TMEM108: variants seen among roughly 807,000 people sequenced by gnomAD.
The protein encoded by TMEM108 is cancer/testis antigen 124.
Under a neutral mutation model 35.1 loss-of-function variants are expected in TMEM108, and 12 were observed. That is an observed-to-expected ratio of 0.34 (90% confidence interval 0.22 to 0.55). The LOEUF is 0.55. TMEM108 is among the 20% of genes least tolerant of loss of function. TMEM108 has a pLI of 0.89. For missense variants in TMEM108, 680 were observed against 753.3 expected (o/e 0.90, Z 1.14); for synonymous variants, 287 against 308.6 (o/e 0.93, Z 0.73).
chr3:133,235,600 G>A (rs1386275495), intron 3 of TMEM108, among the ~76,000 whole-genome samples: 1 of 152,120 alleles, frequency 6.6e-6, no homozygotes, highest in Non-Finnish European at 1.5e-5. Context: ...ACTACCTGAG[G>A]TGGTATTGAA....
intron 2 of TMEM108, among the ~76,000 whole-genome samples, chr3:133,082,632 A>G (rs1481590193): frequency 6.6e-5 from 10 of 151,936 alleles, no homozygotes; most frequent in Non-Finnish European, 4.4e-5. Flanking sequence ...GCCAAGCGCT[A>G]TTTTAACCTT....
chr3:133,058,545 G>T (rs1943500023), intron 2 of TMEM108, among the ~76,000 whole-genome samples: 1 of 152,170 alleles, frequency 6.6e-6, no homozygotes, highest in Admixed American at 6.5e-5. Flanking sequence ...AAGCCCTTTG[G>T]CTACTCCCGT....
chr3:133,363,082 C>G (rs1465125991), intron 3 of TMEM108, among the ~76,000 whole-genome samples: 1 of 152,146 alleles, frequency 6.6e-6, no homozygotes, highest in Non-Finnish European at 1.5e-5. Flanking sequence ...ATGCGTGGAC[C>G]ATTTCTGTGT....
intron 2 of TMEM108, among the ~76,000 whole-genome samples, chr3:133,209,797 A>C (rs1945810554): frequency 6.6e-6 from 1 of 152,146 alleles, no homozygotes; most frequent in African/African-American, 2.4e-5. Context: ...AGAATGAATG[A>C]TTTAGAGATG....
intron 2 of TMEM108, among the ~76,000 whole-genome samples, chr3:133,067,914 A>G (rs975110760): frequency 1.1e-4 from 17 of 152,068 alleles, no homozygotes; most frequent in Non-Finnish European, 2.1e-4. Context: ...TAGAAAAAAA[A>G]AAGAAACTGG....
At position 133,043,537 on chromosome 3, in the gene TMEM108, G is replaced by A. The variant is rs533890759; in HGVS notation, c.-165-2365G>A. Among the ~76,000 whole-genome samples the A allele has an allele frequency of 5.9e-5, 9 of 152,034 alleles. No individual in the cohort carries two copies. The East Asian group carries it at 1.5e-3, about 26-fold the overall frequency. On this transcript the variant is annotated intron_variant, in intron 1 of 5. Coordinates refer to ENST00000321871, the MANE Select transcript of TMEM108 (RefSeq NM_023943.4). ...CCATTTATCATTCCTTCCTCAATAA[G>A]TACTCTTTCCTAATTTTACCAAAAC...
intron 5 of TMEM108, among the ~76,000 whole-genome samples, chr3:133,395,206 C>G (rs1482596300): frequency 6.6e-6 from 1 of 152,222 alleles, no homozygotes; most frequent in Admixed American, 6.5e-5. Context: ...TTTCATCTGT[C>G]ACTTATTATG....
At chr3:133,112,959 C>A (rs757368771) in intron 2 of TMEM108, among the ~76,000 whole-genome samples, 6 of 151,920 alleles carry the variant, frequency 3.9e-5, no homozygotes, top group Non-Finnish European at 8.8e-5. Flanking sequence ...CAAAAAGAAA[C>A]CTAATAAAAA....
At chr3:133,188,164 C>G (rs1429278304) in intron 2 of TMEM108, among the ~76,000 whole-genome samples, 1 of 152,134 alleles carries the variant, frequency 6.6e-6, no homozygotes, top group Non-Finnish European at 1.5e-5. Flanking sequence ...AACCAATAAG[C>G]CAAGCAGCTC....
intron 2 of TMEM108, among the ~76,000 whole-genome samples, chr3:133,120,448 C>A (rs1277544477): frequency 3.3e-5 from 5 of 152,192 alleles, no homozygotes; most frequent in Non-Finnish European, 7.3e-5. Context: ...GATTGATACA[C>A]TCTACAGTCT....
At position 133,395,967 on chromosome 3, in the gene TMEM108, A is replaced by C; in HGVS notation, c.1709A>C (p.Asp570Ala). The C allele has an allele frequency of 6.2e-7, 1 of 1,601,078 alleles. No individual in the cohort carries two copies. The highest frequency in any genetic ancestry group is 8.5e-7 in the Non-Finnish European group (1 of 1,174,186). Reference sequence around the variant, plus strand: ...CAAGAAACACTGTTTGTGGGAAACGATCAAGTATCTGAGATCTAACTACAG... The same window carrying C: ...CAAGAAACACTGTTTGTGGGAAACGCTCAAGTATCTGAGATCTAACTACAG... ...FCQETLFVGN[D>A]QVSEI is the part of the protein sequence containing the mutation. Residue 570 changes from aspartate (D) to alanine (A), a missense_variant, in exon 6 of 6, where the codon GAT (aspartate) becomes GCT (alanine). By Grantham distance (126) the Asp-to-Ala change is moderately radical (BLOSUM62 -2). Transcript: ENST00000321871.
intron 3 of TMEM108, among the ~76,000 whole-genome samples, chr3:133,338,833 T>C (rs1559911657): frequency 6.6e-6 from 1 of 152,042 alleles, no homozygotes; most frequent in Non-Finnish European, 1.5e-5. Context: ...AGGCATACAA[T>C]TTTTAATAGT....
At chr3:133,191,571 G>A (rs912883041) in intron 2 of TMEM108, among the ~76,000 whole-genome samples, 2 of 152,140 alleles carry the variant, frequency 1.3e-5, no homozygotes, top group Non-Finnish European at 2.9e-5. Context: ...TGAGACCCAC[G>A]CAGATGATAT....
chr3:133,136,845 T>C (rs1365579613), intron 2 of TMEM108, among the ~76,000 whole-genome samples: 1 of 152,188 alleles, frequency 6.6e-6, no homozygotes, highest in Non-Finnish European at 1.5e-5. Context: ...ATTCCTAGCC[T>C]TTTGTGTGGT....
intron 3 of TMEM108, among the ~76,000 whole-genome samples, chr3:133,347,754 G>A (rs544265486): frequency 3.3e-5 from 5 of 152,082 alleles, no homozygotes; most frequent in South Asian, 2.1e-4. Context: ...TAATAAAAAC[G>A]TAATACTTCC....
At chr3:133,093,707 A>G (rs932639228) in intron 2 of TMEM108, among the ~76,000 whole-genome samples, 4 of 152,238 alleles carry the variant, frequency 2.6e-5, no homozygotes, top group African/African-American at 9.6e-5. Context: ...CTTAATTCTG[A>G]TGGGGACGGA....
chr3:133,298,258 G>A (rs1947172961), intron 3 of TMEM108, among the ~76,000 whole-genome samples: 2 of 152,116 alleles, frequency 1.3e-5, no homozygotes, highest in African/African-American at 4.8e-5. Flanking sequence ...TCCCAGCTCT[G>A]CCAGAAGGAC....
At chr3:133,241,087 CTGGGAGATTTTTCTGAA>C (rs1946306762) in intron 3 of TMEM108, among the ~76,000 whole-genome samples, 1 of 152,094 alleles carries the variant, frequency 6.6e-6, no homozygotes, top group Non-Finnish European at 1.5e-5. Context: ...TGGTATAATT[CTGGGAGATTTTTCTGAA>C]GAAGGAAAAT....
intron 2 of TMEM108, among the ~76,000 whole-genome samples, chr3:133,062,808 T>C (rs1943551039): frequency 6.6e-6 from 1 of 152,194 alleles, no homozygotes; most frequent in Non-Finnish European, 1.5e-5. Context: ...AGTGAGATCA[T>C]TCAAAGGTGT....
Sources: allele counts gnomAD v4.1 joint callset (sites outside exome capture counted in the v4.1 genomes callset), GRCh38; gene constraint gnomAD v4.1.1; transcripts MANE v1.5; gene names NCBI Gene and HGNC (gene_info 2026-07-23, HGNC 2026-07-21).